Variants in MAPK4 observed in about 807,000 individuals in gnomAD.
MAPK4 encodes the protein mitogen-activated protein kinase 4.
A neutral mutation model predicts 47.7 loss-of-function variants in MAPK4; 22 were observed. The observed-to-expected ratio is 0.46, with a 90% CI of 0.33 to 0.66. MAPK4 has a LOEUF of 0.66. Ranked by LOEUF, MAPK4 falls within the 30% of genes least tolerant of loss-of-function variation. The pLI is 0.02. For synonymous variants in MAPK4, 390 were observed against 365.7 expected, an observed-to-expected ratio of 1.07 and a Z score of -0.76; for missense variants, 736 against 831.7, an observed-to-expected ratio of 0.88 and a Z score of 1.42.
chr18:50,607,980 T>TAAA (rs2042596982), intron 1 of MAPK4, among the ~76,000 whole-genome samples: 2 of 152,230 alleles, frequency 1.3e-5, no homozygotes, highest in South Asian at 4.1e-4. Flanking sequence ...TTATGCTATT[T>TAAA]AATATCCCTC....
chr18:50,618,201 C>G (rs17742138), intron 1 of MAPK4, among the ~76,000 whole-genome samples: 38,048 of 151,960 alleles, frequency 0.25, 5,024 homozygotes, highest in East Asian at 0.46. Context: ...CTACTGAGCT[C>G]TCCCATCATC....
chr18:50,694,771 A>G (rs1359541902), intron 2 of MAPK4, among the ~76,000 whole-genome samples: 1 of 151,760 alleles, frequency 6.6e-6, no homozygotes, highest in Non-Finnish European at 1.5e-5. Context: ...TTGCTCCCTT[A>G]CTCTGCATCC....
At chr18:50,574,546 C>T (rs985515956) in intron 1 of MAPK4, among the ~76,000 whole-genome samples, 11 of 152,144 alleles carry the variant, frequency 7.2e-5, no homozygotes, top group African/African-American at 2.4e-4. Context: ...CACTTCTAGC[C>T]GAGCCCTCCT....
chr18:50,612,825 A>C (rs2042650725), intron 1 of MAPK4, among the ~76,000 whole-genome samples: 1 of 152,192 alleles, frequency 6.6e-6, no homozygotes, highest in African/African-American at 2.4e-5. Flanking sequence ...GAAAGCAGAA[A>C]GTGACAGGTT....
At position 50,630,608 on chromosome 18, in the gene MAPK4, G is replaced by A. The variant is rs143955593; in HGVS notation, c.-870-32481G>A. ...CTCTGTCCACAATGTCATCCTCTTC[G>A]GACACATCCTTCAAGGTCCTAACTA... On this transcript the variant is annotated intron_variant, in intron 1 of 5. Coordinates refer to ENST00000400384, the MANE Select transcript of MAPK4 (RefSeq NM_002747.4). Among the ~76,000 whole-genome samples the A allele has an allele frequency of 2.5e-4, 38 of 152,208 alleles. No homozygotes were observed. The East Asian group carries it at 7.2e-3, about 29-fold the overall frequency.
At chr18:50,567,053 A>G (rs979042569) in intron 1 of MAPK4, among the ~76,000 whole-genome samples, 2 of 151,838 alleles carry the variant, frequency 1.3e-5, no homozygotes, top group Middle Eastern at 3.4e-3. Context: ...CTTTGTGAAC[A>G]TAATTTTTTT....
rs1908386566 is a variant in MAPK4 at position 50,678,227 on chromosome 18, A to G, written c.546+13723A>G. On this transcript the variant is annotated intron_variant, in intron 2 of 5. Transcript: ENST00000400384. The surrounding 1 kb of genome is among the most constrained non-coding windows in gnomAD (Gnocchi z 4.2). Reference sequence around the variant, plus strand: ...GAACAAGTCAGAAAATTCTTACTGTAATGAACTTGTCAAAATGGATTAATT... The same window carrying G: ...GAACAAGTCAGAAAATTCTTACTGTGATGAACTTGTCAAAATGGATTAATT... Among the ~76,000 whole-genome samples, 1 of 152,220 alleles carries G rather than the reference A, an allele frequency of 6.6e-6. No homozygotes were observed.
In MAPK4 at chr18:50,678,330, TTTGCAA is replaced by T. The variant is rs1568076958; in HGVS notation, c.546+13829_546+13834del. On this transcript the variant is annotated intron_variant, in intron 2 of 5. Transcript: ENST00000400384. This position sits in a 1 kb window ranked among gnomAD's most constrained non-coding sequence, Gnocchi z 4.2. ...CAGAGCCCCCTTAAATGTTGACACATTTGCAATTTGGCCAAAGCCTGCCTCTAGTAC... is the reference window on the plus strand; with the variant it reads ...CAGAGCCCCCTTAAATGTTGACACATTTTGGCCAAAGCCTGCCTCTAGTAC... Among the ~76,000 whole-genome samples, 1 of 152,176 alleles carries T rather than the reference TTTGCAA, an allele frequency of 6.6e-6. No individual in the cohort carries two copies. The highest frequency in any genetic ancestry group is 1.5e-5 in the Non-Finnish European group (1 of 68,030).
chr18:50,573,668 A>G (rs1272711485), intron 1 of MAPK4, among the ~76,000 whole-genome samples: 1 of 152,178 alleles, frequency 6.6e-6, no homozygotes, highest in Non-Finnish European at 1.5e-5. Flanking sequence ...ATTGTCTTCC[A>G]TGAAATTGGT....
intron 2 of MAPK4, chr18:50,705,376 A>G (rs1909994523): frequency 6.6e-6 from 1 of 152,272 alleles, no homozygotes; most frequent in Admixed American, 6.5e-5. Flanking sequence ...GAGTTAATGA[A>G]GTTAGATGAA....
rs1429181689 is a variant in MAPK4, at chr18:50,729,658, C to A, written c.1568C>A (p.Pro523His). 3 of 1,521,928 alleles carry A rather than the reference C, an allele frequency of 2.0e-6. No individual in the cohort carries two copies. The highest frequency in any genetic ancestry group is 5.1e-5 in the East Asian group (2 of 39,040). 94.3% of individuals were successfully genotyped at this position (1,521,928 alleles called of 1,614,324 possible). A position where few individuals can be genotyped will look rare whatever the true frequency, so the allele number is the denominator to read the frequency against. ...GAGCGCCGCTTGTCTGCCTCGCCCC[C>A]CGGCCGCCCGGCCCCGGTGGACGGC... Reference protein sequence around the residue: ...DPERRLSASPPGRPAPVDGGA... With the variant: ...DPERRLSASPHGRPAPVDGGA... The change falls in exon 6 of 6, where the codon CCC becomes CAC. Residue 523 changes from proline (P) to histidine (H), a missense_variant. Transcript: ENST00000400384.
intron 1 of MAPK4, among the ~76,000 whole-genome samples, chr18:50,607,657 T>A (rs2042593642): frequency 6.6e-6 from 1 of 152,204 alleles, no homozygotes; most frequent in African/African-American, 2.4e-5. Context: ...GATTGGCAGA[T>A]CCTTAGGAAC....
At chr18:50,585,945 C>A (rs897193422) in intron 1 of MAPK4, among the ~76,000 whole-genome samples, 2 of 152,156 alleles carry the variant, frequency 1.3e-5, no homozygotes, top group Non-Finnish European at 2.9e-5. Flanking sequence ...TCAATTATCT[C>A]CCAGTGGGTC....
chr18:50,671,646 C>T (rs1375089081), intron 2 of MAPK4, among the ~76,000 whole-genome samples: 4 of 13,218 alleles, frequency 3.0e-4, no homozygotes, highest in Non-Finnish European at 3.3e-4. Flanking sequence ...AGTCCCAGAG[C>T]TTTGGGAGGC....
chr18:50,560,944 G>A (rs937757239), intron 1 of MAPK4, among the ~76,000 whole-genome samples: 4 of 152,262 alleles, frequency 2.6e-5, no homozygotes, highest in Admixed American at 1.3e-4. Flanking sequence ...AAGTCAGGCC[G>A]GCTTTTGCTT....
At chr18:50,636,108 C>T (rs1004128285) in intron 1 of MAPK4, among the ~76,000 whole-genome samples, 13 of 152,222 alleles carry the variant, frequency 8.5e-5, no homozygotes, top group Non-Finnish European at 1.9e-4. Flanking sequence ...ATCTGGAGCA[C>T]TTTCTCCCTC....
At chr18:50,593,632 G>A (rs2042457256) in intron 1 of MAPK4, among the ~76,000 whole-genome samples, 1 of 152,104 alleles carries the variant, frequency 6.6e-6, no homozygotes, top group Admixed American at 6.5e-5. Context: ...TATAAGCAAT[G>A]ACAACTAAAT....
intron 2 of MAPK4, among the ~76,000 whole-genome samples, chr18:50,682,457 T>C (rs1488004047): frequency 2.6e-5 from 4 of 152,168 alleles, no homozygotes; most frequent in Non-Finnish European, 5.9e-5. Flanking sequence ...CTTATTGTGA[T>C]AGCAAAACAT....
intron 2 of MAPK4, among the ~76,000 whole-genome samples, chr18:50,690,590 G>T (rs2144346996): frequency 6.6e-6 from 1 of 152,330 alleles, no homozygotes; most frequent in South Asian, 2.1e-4. Context: ...TGTAATAGAT[G>T]AAGGAGAAAA....
Sources: allele counts gnomAD v4.1 joint callset (sites outside exome capture counted in the v4.1 genomes callset), GRCh38; gene constraint gnomAD v4.1.1; non-coding constraint Gnocchi (gnomAD v3.1); transcripts MANE v1.5; gene names NCBI Gene and HGNC (gene_info 2026-07-23, HGNC 2026-07-21).